The following TASP1 variants were observed in gnomAD, a reference collection of about 807,000 sequenced individuals.
TASP1 encodes taspase 1, also known as threonine aspartase 1.
Under a neutral mutation model 56.6 loss-of-function variants are expected in TASP1, and 16 were observed. That is an observed-to-expected ratio of 0.28 (90% CI 0.19 to 0.43). The LOEUF (loss-of-function observed/expected upper bound fraction) is 0.43. Among genes scored for constraint, TASP1 ranks in the 20% least tolerant of loss-of-function variants. The pLI, the probability that TASP1 is intolerant of heterozygous loss-of-function variation, is 1.00. For missense variants in TASP1, 393 were observed against 511.6 expected, an observed-to-expected ratio of 0.77 and a Z score of 2.24; for synonymous variants, 179 against 184.2, an observed-to-expected ratio of 0.97 and a Z score of 0.23.
chr20:13,204,566 G>T, the TASP1 span, among the ~76,000 whole-genome samples: 49 of 142,400 alleles, frequency 3.4e-4, no homozygotes, highest in African/African-American at 1.3e-3. Flanking sequence ...TTGAGACGGA[G>T]TCTCGCCCTG....
At chr20:13,459,880 A>G (rs1204278224) in intron 11 of TASP1, among the ~76,000 whole-genome samples, 1 of 151,974 alleles carries the variant, frequency 6.6e-6, no homozygotes, top group Non-Finnish European at 1.5e-5. Flanking sequence ...GAACACACAC[A>G]TCATTAATTT....
At chr20:13,469,148 T>C (rs536678368) in intron 11 of TASP1, among the ~76,000 whole-genome samples, 1 of 152,338 alleles carries the variant, frequency 6.6e-6, no homozygotes, top group South Asian at 2.1e-4. Flanking sequence ...CCTTTGTTAG[T>C]ACTATGCTTA....
the TASP1 span, among the ~76,000 whole-genome samples, chr20:13,341,676 T>TA: frequency 1.3e-5 from 2 of 152,220 alleles, no homozygotes; most frequent in Non-Finnish European, 2.9e-5. Flanking sequence ...CCTATGGAGT[T>TA]AAACCATCCC....
chr20:13,370,019 A>C, the TASP1 span, among the ~76,000 whole-genome samples: 30 of 152,308 alleles, frequency 2.0e-4, 2 homozygotes, highest in African/African-American at 7.0e-4. Context: ...TTCTGTTTTT[A>C]TTCTGCCTCA....
At chr20:13,531,488 T>G (rs533089504) in intron 9 of TASP1, among the ~76,000 whole-genome samples, 5 of 92,818 alleles carry the variant, frequency 5.4e-5, no homozygotes, top group Admixed American at 3.0e-4. Context: ...TTCTTATCCT[T>G]TTTTTTTTTT....
chr20:13,196,805 A>G, the TASP1 span, among the ~76,000 whole-genome samples: 1 of 152,182 alleles, frequency 6.6e-6, no homozygotes, highest in Non-Finnish European at 1.5e-5. Context: ...CCCACATCAT[A>G]TCTCCATTAC....
At chr20:13,150,149 T>C in the TASP1 span, among the ~76,000 whole-genome samples, 1 of 152,218 alleles carries the variant, frequency 6.6e-6, no homozygotes, top group East Asian at 1.9e-4. Context: ...CCTTTCCTTC[T>C]GTCCACAATC....
chr20:13,444,295 G>A (rs1377649629), intron 11 of TASP1, among the ~76,000 whole-genome samples: 1 of 152,156 alleles, frequency 6.6e-6, no homozygotes, highest in African/African-American at 2.4e-5. Context: ...AGCTGCTAGT[G>A]TTCCACCTTC....
At chr20:13,343,381 G>A in the TASP1 span, among the ~76,000 whole-genome samples, 1 of 152,252 alleles carries the variant, frequency 6.6e-6, no homozygotes. Flanking sequence ...TTGGTTTTTG[G>A]CTCTAGAGAC....
the TASP1 span, among the ~76,000 whole-genome samples, chr20:13,318,194 C>T: frequency 7.1e-6 from 1 of 140,174 alleles, no homozygotes; most frequent in Middle Eastern, 3.6e-3. Context: ...AGACACTTCA[C>T]CAAAGAAGAT....
At chr20:13,329,165 G>T in the TASP1 span, among the ~76,000 whole-genome samples, 7 of 152,138 alleles carry the variant, frequency 4.6e-5, no homozygotes, top group African/African-American at 1.7e-4. Context: ...AGAATGAATT[G>T]TGTCCCTGCC....
the TASP1 span, among the ~76,000 whole-genome samples, chr20:13,319,578 T>A: frequency 1.3e-5 from 2 of 152,214 alleles, no homozygotes; most frequent in African/African-American, 4.8e-5. Context: ...TGGCAGCTCG[T>A]AGAAGTATAT....
intron 10 of TASP1, among the ~76,000 whole-genome samples, chr20:13,496,836 T>C (rs1435920175): frequency 6.6e-6 from 1 of 152,174 alleles, no homozygotes; most frequent in Non-Finnish European, 1.5e-5. Context: ...GCTACAGTCA[T>C]GGGTTTTTTA....
the TASP1 span, among the ~76,000 whole-genome samples, chr20:13,163,034 T>G: frequency 6.6e-6 from 1 of 152,158 alleles, no homozygotes; most frequent in Non-Finnish European, 1.5e-5. Context: ...ACGTACATTA[T>G]ATAAGAGACA....
intron 9 of TASP1, among the ~76,000 whole-genome samples, chr20:13,533,782 G>A (rs987271175): frequency 1.3e-5 from 2 of 152,128 alleles, no homozygotes; most frequent in African/African-American, 4.8e-5. Flanking sequence ...CCAGCCTGCT[G>A]AAAGGAGAAA....
intron 4 of TASP1, among the ~76,000 whole-genome samples, chr20:13,601,130 T>A (rs2047941166): frequency 6.6e-6 from 1 of 151,830 alleles, no homozygotes; most frequent in South Asian, 2.1e-4. Flanking sequence ...AATACAAAAA[T>A]TAGCCAGGTG....
chr20:13,288,762 C>A, the TASP1 span: 3 of 1,392,108 alleles, frequency 2.2e-6, no homozygotes, highest in Non-Finnish European at 3.0e-6. Flanking sequence ...GTGACATTGT[C>A]TTTTTAAAAG....
intron 10 of TASP1, among the ~76,000 whole-genome samples, chr20:13,526,841 A>C (rs2044999054): frequency 6.6e-6 from 1 of 152,176 alleles, no homozygotes; most frequent in Non-Finnish European, 1.5e-5. Flanking sequence ...GCAATGAAAG[A>C]GATAGAGGAC....
intron 2 of TASP1, among the ~76,000 whole-genome samples, chr20:13,628,999 A>G (rs1478907506): frequency 6.6e-6 from 1 of 152,220 alleles, no homozygotes; most frequent in Admixed American, 6.5e-5. Flanking sequence ...CACTGGCTCT[A>G]GCACCAACCA....
Sources: allele counts gnomAD v4.1 joint callset (sites outside exome capture counted in the v4.1 genomes callset), GRCh38; gene constraint gnomAD v4.1.1; transcripts MANE v1.5; gene names NCBI Gene and HGNC (gene_info 2026-07-23, HGNC 2026-07-21).